The following TAMM41 variants were observed in gnomAD, a reference collection of about 807,000 sequenced individuals.
The protein encoded by TAMM41 is phosphatidate cytidylyltransferase, mitochondrial.
A neutral mutation model predicts 44.1 loss-of-function variants in TAMM41; 36 were observed. The ratio of observed to expected loss-of-function variants is 0.82; its 90% CI spans 0.63 to 1.08. The LOEUF (loss-of-function observed/expected upper bound fraction) is 1.08. Among genes scored for constraint, TAMM41 ranks in the 50% least tolerant of loss-of-function variants. TAMM41 has a pLI of 0.00. For synonymous variants in TAMM41, 164 were observed against 153.1 expected, an observed-to-expected ratio of 1.07 and a Z score of -0.53; for missense variants, 417 against 404.3, an observed-to-expected ratio of 1.03 and a Z score of -0.27.
downstream of TAMM41, among the ~76,000 whole-genome samples, chr3:11,790,134 A>G (rs1559261116): frequency 1.3e-5 from 2 of 152,232 alleles, no homozygotes; most frequent in Non-Finnish European, 2.9e-5. Flanking sequence ...GACTAGAGAC[A>G]TAACAAGCCA....
the TAMM41 span, among the ~76,000 whole-genome samples, chr3:11,771,016 C>T: frequency 2.2e-4 from 33 of 152,178 alleles, no homozygotes; most frequent in African/African-American, 7.7e-4. Context: ...GCAGCTGGTC[C>T]ACCCTTCTCC....
intron 7 of TAMM41, among the ~76,000 whole-genome samples, chr3:11,798,609 A>T (rs2077669200): frequency 6.6e-6 from 1 of 152,200 alleles, no homozygotes; most frequent in African/African-American, 2.4e-5. Context: ...CTATGGCACA[A>T]GTTTACCTGC....
chr3:11,769,813 C>T, the TAMM41 span, among the ~76,000 whole-genome samples: 6 of 152,194 alleles, frequency 3.9e-5, no homozygotes, highest in Non-Finnish European at 7.3e-5. Flanking sequence ...TCCTCTACCT[C>T]GGCTGTGCTG....
At chr3:11,803,808 C>T (rs1033409208) in intron 7 of TAMM41, among the ~76,000 whole-genome samples, 3 of 152,122 alleles carry the variant, frequency 2.0e-5, no homozygotes, top group Non-Finnish European at 4.4e-5. Context: ...CTGGAGGCCA[C>T]GTGTATAAGT....
chr3:11,840,828 G>T (rs1430094316), intron 2 of TAMM41, among the ~76,000 whole-genome samples: 1 of 152,154 alleles, frequency 6.6e-6, no homozygotes, highest in East Asian at 1.9e-4. Flanking sequence ...CATGCTCAAG[G>T]TGGCACCAGT....
At chr3:11,741,285 A>G in the TAMM41 span, among the ~76,000 whole-genome samples, 50 of 146,602 alleles carry the variant, frequency 3.4e-4, no homozygotes, top group East Asian at 9.7e-3. Flanking sequence ...TGTTTCCAAG[A>G]TGGTGCCCTG....
At chr3:11,818,718 A>C (rs2078384402) in intron 4 of TAMM41, among the ~76,000 whole-genome samples, 1 of 152,018 alleles carries the variant, frequency 6.6e-6, no homozygotes, top group East Asian at 1.9e-4. Context: ...AACACAGTGA[A>C]ATCCCGTCTC....
At chr3:11,785,539 T>C (rs1174931774), downstream of TAMM41, among the ~76,000 whole-genome samples, 1 of 152,170 alleles carries the variant, frequency 6.6e-6, no homozygotes, top group Non-Finnish European at 1.5e-5. Context: ...TTGGCCAGGA[T>C]GGTCTTGATC....
chr3:11,842,695 A>AAAAAAG (rs1409511526), intron 2 of TAMM41, among the ~76,000 whole-genome samples: 1 of 132,820 alleles, frequency 7.5e-6, no homozygotes, highest in African/African-American at 2.6e-5. Context: ...CCCTGTTTCA[A>AAAAAAG]AAAAAGAAAA....
chr3:11,822,955 C>T (rs550658717), intron 4 of TAMM41, among the ~76,000 whole-genome samples: 2 of 152,290 alleles, frequency 1.3e-5, no homozygotes, highest in East Asian at 3.9e-4. Flanking sequence ...AACTGCCAGG[C>T]TTTTTTCCAA....
At chr3:11,846,441 G>C in intron 1 of TAMM41, 61 bp downstream of exon 1, 2 of 1,602,146 alleles carry the variant, frequency 1.2e-6, no homozygotes, top group East Asian at 2.2e-5. Flanking sequence ...TGAAGGAATC[G>C]AGGGCAAAAC....
the TAMM41 span, among the ~76,000 whole-genome samples, chr3:11,745,515 A>C: frequency 6.6e-6 from 1 of 152,248 alleles, no homozygotes; most frequent in African/African-American, 2.4e-5. Flanking sequence ...GCGAATTCTG[A>C]CACATGCTAC....
the TAMM41 span, among the ~76,000 whole-genome samples, chr3:11,755,363 G>C: frequency 6.6e-6 from 1 of 152,170 alleles, no homozygotes; most frequent in Non-Finnish European, 1.5e-5. Context: ...GAGTCGGCTT[G>C]TGGGGAAGGA....
chr3:11,832,989 A>G, intron 3 of TAMM41: 1 of 1,030,084 alleles, frequency 9.7e-7, no homozygotes, highest in Non-Finnish European at 1.2e-6. Context: ...GGATGAAAAT[A>G]AAAGCATCCT....
At chr3:11,745,100 T>G in the TAMM41 span, among the ~76,000 whole-genome samples, 1 of 152,104 alleles carries the variant, frequency 6.6e-6, no homozygotes, top group Non-Finnish European at 1.5e-5. Context: ...TGAACTCAGG[T>G]GATCTGCCTG....
intron 7 of TAMM41, among the ~76,000 whole-genome samples, chr3:11,801,467 G>GTA (rs1285769447): frequency 6.6e-6 from 1 of 152,042 alleles, no homozygotes; most frequent in African/African-American, 2.4e-5. Context: ...TGGGACTACA[G>GTA]GCACATACCA....
chr3:11,830,811 C>A (rs2078955074), intron 3 of TAMM41: 1 of 150,400 alleles, frequency 6.6e-6, no homozygotes, highest in Non-Finnish European at 1.5e-5. Context: ...GTTGAGGCTG[C>A]AGTGGGTTGC....
At chr3:11,724,348 C>T in the TAMM41 span, among the ~76,000 whole-genome samples, 2 of 152,120 alleles carry the variant, frequency 1.3e-5, no homozygotes, top group East Asian at 3.9e-4. Context: ...GGTGATCAAC[C>T]TGCCTCGGGC....
chr3:11,774,822 C>T, the TAMM41 span, among the ~76,000 whole-genome samples: 1 of 151,566 alleles, frequency 6.6e-6, no homozygotes, highest in African/African-American at 2.4e-5. Flanking sequence ...CCCTCATGAC[C>T]TAATAAATTC....
Sources: gnomAD v4.1 joint callset for allele counts (sites outside exome capture counted in the v4.1 genomes callset) on GRCh38, gnomAD v4.1.1 for gene constraint, MANE v1.5 for transcripts, NCBI Gene and HGNC (gene_info 2026-07-23, HGNC 2026-07-21) for gene names.